The following TENM4 variants were observed in gnomAD, a reference collection of about 807,000 sequenced individuals.
TENM4 encodes the protein teneurin-4.
In TENM4, 82 loss-of-function variants were observed where a neutral mutation model predicts 243.3. The ratio of observed to expected loss-of-function variants is 0.34; its 90% CI spans 0.28 to 0.40. The LOEUF is 0.40. TENM4 is among the 10% of genes least tolerant of loss of function. TENM4 has a pLI of 1.00. For synonymous variants in TENM4, 1,412 were observed against 1,456.3 expected (o/e 0.97, Z 0.69); for missense variants, 3,138 against 3,673.3 (o/e 0.85, Z 3.77).
In TENM4 at chr11:79,040,430, C is replaced by G. The variant is rs545092870; in HGVS notation, c.493+24308G>C. On this transcript the variant is annotated intron_variant, in intron 6 of 33. Transcript: ENST00000278550. ...GCAGCCAGCCTCCGGCCTCCTGCCT[C>G]CTTTCTGTGCCAGCCCAGCAACCTG... Among the ~76,000 whole-genome samples the G allele has an allele frequency of 2.0e-5, 3 of 152,328 alleles. No homozygotes were observed. In the East Asian group the frequency reaches 5.8e-4, roughly 29 times the overall value.
chr11:78,944,198 TG>T (rs1157412692), intron 6 of TENM4, among the ~76,000 whole-genome samples: 1 of 152,128 alleles, frequency 6.6e-6, no homozygotes, highest in Non-Finnish European at 1.5e-5. Flanking sequence ...AGCTGACATG[TG>T]GTGACTCCAG....
intron 32 of TENM4, among the ~76,000 whole-genome samples, chr11:78,663,038 A>T (rs973107045): frequency 6.6e-6 from 1 of 152,200 alleles, no homozygotes; most frequent in Non-Finnish European, 1.5e-5. Flanking sequence ...AGCAAGGTTG[A>T]GAAAGAGCCA....
intron 1 of TENM4, among the ~76,000 whole-genome samples, chr11:79,333,046 T>A (rs1421648969): frequency 2.0e-5 from 3 of 152,122 alleles, no homozygotes; most frequent in African/African-American, 7.2e-5. Flanking sequence ...GGCAGGAAGT[T>A]CAGTGTTCAG....
At chr11:78,999,377 G>T (rs748940111) in intron 6 of TENM4, among the ~76,000 whole-genome samples, 1 of 151,992 alleles carries the variant, frequency 6.6e-6, no homozygotes, top group African/African-American at 2.4e-5. Context: ...TTAGCCAGGC[G>T]TGGTGGTGTG....
chr11:78,822,937 T>G (rs1857765330), intron 12 of TENM4, among the ~76,000 whole-genome samples: 1 of 152,194 alleles, frequency 6.6e-6, no homozygotes. Flanking sequence ...GTTCCTGAGA[T>G]AACAGTATCG....
intron 9 of TENM4, among the ~76,000 whole-genome samples, chr11:78,880,457 TAAAAAAAAAAAAAAAA>T (rs71763484): frequency 9.6e-6 from 1 of 104,646 alleles, no homozygotes; most frequent in Admixed American, 8.4e-5. Context: ...CAATAAATAC[TAAAAAAAAAAAAAAAA>T]AAAAAAAAAA....
intron 1 of TENM4, among the ~76,000 whole-genome samples, chr11:79,310,493 C>T (rs1364460074): frequency 3.9e-5 from 6 of 152,202 alleles, no homozygotes; most frequent in African/African-American, 7.2e-5. Context: ...CCTGAATTCC[C>T]TAGCTTCTGA....
chr11:78,847,006 T>C (rs993354482), intron 12 of TENM4, among the ~76,000 whole-genome samples: 3 of 152,208 alleles, frequency 2.0e-5, no homozygotes, highest in Admixed American at 6.5e-5. Context: ...AGCTGAATGT[T>C]TTAGGAAAAA....
At chr11:78,887,868 T>C (rs988907796) in intron 9 of TENM4, among the ~76,000 whole-genome samples, 1 of 152,238 alleles carries the variant, frequency 6.6e-6, no homozygotes, top group Non-Finnish European at 1.5e-5. Context: ...CCTTAAGACT[T>C]CAACGCAAAA....
At position 78,763,295 on chromosome 11, in the gene TENM4, A is replaced by G. The variant is rs190134091; in HGVS notation, c.2540-6274T>C. On this transcript the variant is annotated intron_variant, in intron 18 of 33. Coordinates refer to ENST00000278550, the MANE Select transcript of TENM4 (RefSeq NM_001098816.3). ...GTGAAAAGAGGCAGAAGAAAATGTC[A>G]AAAAGGCCAGGCAGGCCCTGGACGC... is the stretch of plus-strand genomic sequence containing the variant. 5.3e-5 allele frequency among the ~76,000 whole-genome samples: 8 copies of G among 152,362 alleles called. No individual in the cohort carries two copies. In the East Asian group the frequency reaches 7.7e-4, roughly 15 times the overall value.
intron 6 of TENM4, among the ~76,000 whole-genome samples, chr11:78,906,668 C>T (rs555688717): frequency 3.3e-5 from 5 of 152,202 alleles, no homozygotes; most frequent in Non-Finnish European, 7.3e-5. Context: ...AGCTCAACTG[C>T]CTCCCCGTCC....
intron 2 of TENM4, among the ~76,000 whole-genome samples, chr11:79,230,534 A>G (rs1864355072): frequency 6.6e-6 from 1 of 152,190 alleles, no homozygotes; most frequent in African/African-American, 2.4e-5. Context: ...TAGCTTGGGA[A>G]CCATGGACAA....
At chr11:79,421,314 TA>T (rs1565339557) in intron 1 of TENM4, among the ~76,000 whole-genome samples, 1 of 152,232 alleles carries the variant, frequency 6.6e-6, no homozygotes, top group Non-Finnish European at 1.5e-5. Flanking sequence ...GAGAACCTAG[TA>T]TTTCATACAG....
intron 2 of TENM4, among the ~76,000 whole-genome samples, chr11:79,224,330 G>A (rs138267188): frequency 2.0e-5 from 3 of 152,256 alleles, no homozygotes; most frequent in Non-Finnish European, 2.9e-5. Flanking sequence ...CATCGTTCCA[G>A]ACCCGGTTTC....
At chr11:79,057,275 C>T (rs1485755780) in intron 6 of TENM4, among the ~76,000 whole-genome samples, 2 of 151,642 alleles carry the variant, frequency 1.3e-5, no homozygotes, top group African/African-American at 2.4e-5. Context: ...CACACCCCTA[C>T]TCCCTCCCCT....
At chr11:78,691,859 T>C (rs78296263) in intron 28 of TENM4, among the ~76,000 whole-genome samples, 7 of 152,340 alleles carry the variant, frequency 4.6e-5, no homozygotes, top group African/African-American at 4.8e-5. Flanking sequence ...TTGTAGTACC[T>C]TCCAGAGCTT....
At chr11:78,931,711 T>TA (rs1421901430) in intron 6 of TENM4, among the ~76,000 whole-genome samples, 7 of 152,190 alleles carry the variant, frequency 4.6e-5, no homozygotes, top group African/African-American at 1.7e-4. Flanking sequence ...TATGGAATGG[T>TA]AAAGAGTACT....
intron 3 of TENM4, among the ~76,000 whole-genome samples, chr11:79,163,059 G>T (rs1275863382): frequency 6.6e-6 from 1 of 152,106 alleles, no homozygotes; most frequent in African/African-American, 2.4e-5. Context: ...CTGAGTGAAG[G>T]CAGCATGTTT....
intron 1 of TENM4, among the ~76,000 whole-genome samples, chr11:79,408,729 T>C (rs1858624717): frequency 6.6e-6 from 1 of 152,148 alleles, no homozygotes; most frequent in Non-Finnish European, 1.5e-5. Flanking sequence ...GTCTTTTTTA[T>C]GCATAAAGAT....
Sources: allele counts gnomAD v4.1 joint callset (sites outside exome capture counted in the v4.1 genomes callset), GRCh38; gene constraint gnomAD v4.1.1; transcripts MANE v1.5; gene names NCBI Gene and HGNC (gene_info 2026-07-23, HGNC 2026-07-21).